PEAK1: variants seen among roughly 807,000 people sequenced by gnomAD.
The protein encoded by PEAK1 is inactive tyrosine-protein kinase PEAK1.
A neutral mutation model predicts 124.7 loss-of-function variants in PEAK1; 54 were observed. The ratio of observed to expected loss-of-function variants is 0.43; its 90% CI spans 0.35 to 0.54. The LOEUF is 0.54. Ranked by LOEUF, PEAK1 falls within the 20% of genes least tolerant of loss-of-function variation. PEAK1 has a pLI of 0.01. For synonymous variants in PEAK1, 719 were observed against 760.0 expected (o/e 0.95, Z 0.89); for missense variants, 2,046 against 2,134.5 (o/e 0.96, Z 0.82).
intron 2 of PEAK1, among the ~76,000 whole-genome samples, chr15:77,321,250 G>A (rs1185951382): frequency 6.6e-6 from 1 of 152,192 alleles, no homozygotes; most frequent in Non-Finnish European, 1.5e-5. Context: ...CTTCCACAAT[G>A]GTTGAACTAG....
intron 2 of PEAK1, among the ~76,000 whole-genome samples, chr15:77,293,444 T>G (rs1597146841): frequency 6.6e-6 from 1 of 152,178 alleles, no homozygotes; most frequent in East Asian, 1.9e-4. Flanking sequence ...TATTTCCCCC[T>G]CTTTGAATAT....
intron 5 of PEAK1, chr15:77,255,246 TATTA>T (rs1028808721): frequency 3.2e-5 from 18 of 557,498 alleles, no homozygotes; most frequent in Middle Eastern, 9.0e-4. Flanking sequence ...ATTTTAAACC[TATTA>T]ATTATTTATT....
intron 1 of PEAK1, among the ~76,000 whole-genome samples, chr15:77,394,864 T>C (rs2070761497): frequency 6.6e-6 from 1 of 152,176 alleles, no homozygotes; most frequent in African/African-American, 2.4e-5. Flanking sequence ...TAATTCAAAA[T>C]AGCTGTTTCA....
At chr15:77,178,703 T>G in intron 7 of PEAK1, 87 bp downstream of exon 7, 1 of 1,298,468 alleles carries the variant, frequency 7.7e-7, no homozygotes, top group South Asian at 1.4e-5. Flanking sequence ...CAGAAATGGT[T>G]CTTATGCAAT....
intron 2 of PEAK1, among the ~76,000 whole-genome samples, chr15:77,323,101 C>G (rs939174885): frequency 2.6e-5 from 4 of 152,126 alleles, no homozygotes; most frequent in Non-Finnish European, 5.9e-5. Flanking sequence ...GCTAAAAACT[C>G]TCAATAAATT....
At chr15:77,401,575 C>G (rs2071380250) in intron 1 of PEAK1, 1 of 979,886 alleles carries the variant, frequency 1.0e-6, no homozygotes, top group African/African-American at 1.8e-5. Flanking sequence ...AAAATTGTAG[C>G]TTATAGATCA....
At chr15:77,382,090 C>G (rs11639308) in intron 1 of PEAK1, among the ~76,000 whole-genome samples, 41,339 of 152,064 alleles carry the variant, frequency 0.27, 6,650 homozygotes, top group Middle Eastern at 0.37. Flanking sequence ...CTCTTTCTCT[C>G]TCACTCTCAC....
intron 5 of PEAK1, chr15:77,278,832 GT>G (rs34583265): frequency 0.24 from 52,786 of 223,772 alleles, 2,235 homozygotes; most frequent in Middle Eastern, 0.29. Context: ...AATTTTGTGG[GT>G]TTTTTTTTTT....
rs551868751 is a variant in PEAK1, at chr15:77,191,640, T to C, written c.-114-9600A>G. Among the ~76,000 whole-genome samples, 4 of 152,310 alleles carry C rather than the reference T, an allele frequency of 2.6e-5. No homozygotes were observed. In the East Asian group the frequency reaches 7.7e-4, roughly 29 times the overall value. ...ATCTTGGACTTGTGTTTTGCATCAA[T>C]TTCAAGAGATGCTGTCAGATTCTAT... On this transcript the variant is annotated intron_variant, in intron 6 of 9. Transcript: ENST00000682557.
intron 8 of PEAK1, chr15:77,156,039 G>T (rs1479233244): frequency 6.6e-6 from 1 of 152,386 alleles, no homozygotes; most frequent in Non-Finnish European, 1.5e-5. Context: ...GTCAGACAGG[G>T]ACATTTAAGT....
intron 1 of PEAK1, among the ~76,000 whole-genome samples, chr15:77,379,783 A>C (rs2069327327): frequency 6.6e-6 from 1 of 152,162 alleles, no homozygotes; most frequent in Non-Finnish European, 1.5e-5. Flanking sequence ...TTACAGCAGG[A>C]CTTGCCTACA....
intron 5 of PEAK1, among the ~76,000 whole-genome samples, chr15:77,279,272 T>C (rs113625831): frequency 2.8e-4 from 43 of 152,288 alleles, no homozygotes; most frequent in African/African-American, 9.6e-4. Context: ...GAGAGACTTC[T>C]TCTTGGATCT....
chr15:77,289,810 G>A (rs1426317383), intron 2 of PEAK1, among the ~76,000 whole-genome samples: 1 of 152,050 alleles, frequency 6.6e-6, no homozygotes, highest in African/African-American at 2.4e-5. Flanking sequence ...CAGCCTGGGC[G>A]ACAGAGCCAG....
chr15:77,231,890 T>G (rs922942818), intron 6 of PEAK1, among the ~76,000 whole-genome samples: 1 of 152,158 alleles, frequency 6.6e-6, no homozygotes, highest in Non-Finnish European at 1.5e-5. Flanking sequence ...TCATACAAAT[T>G]CATTTTCTTA....
intron 7 of PEAK1, among the ~76,000 whole-genome samples, chr15:77,161,279 A>AT (rs2055615047): frequency 6.6e-6 from 1 of 152,212 alleles, no homozygotes; most frequent in Admixed American, 6.5e-5. Flanking sequence ...CTGTTCCTTA[A>AT]TATCACTCAC....
chr15:77,375,568 A>G (rs977054226), intron 1 of PEAK1, among the ~76,000 whole-genome samples: 4 of 152,246 alleles, frequency 2.6e-5, no homozygotes, highest in Admixed American at 6.5e-5. Flanking sequence ...GAAATCAAGG[A>G]TGTAGCCAGT....
At chr15:77,170,442 G>C (rs1043125900) in intron 7 of PEAK1, among the ~76,000 whole-genome samples, 4 of 152,134 alleles carry the variant, frequency 2.6e-5, no homozygotes, top group African/African-American at 9.7e-5. Context: ...AAGAGGATAA[G>C]ATTAAGCCCA....
intron 3 of PEAK1, among the ~76,000 whole-genome samples, chr15:77,285,826 T>G (rs35704799): frequency 0.077 from 11,705 of 152,310 alleles, 561 homozygotes; most frequent in Non-Finnish European, 0.1. Context: ...CATTGATTTT[T>G]TGAAGGGTTT....
chr15:77,106,186 C>T (rs2050748847), downstream of PEAK1: 1 of 152,162 alleles, frequency 6.6e-6, no homozygotes, highest in East Asian at 1.9e-4. Context: ...GGCCCAGTAA[C>T]GAGATGCAGA....
Sources: allele counts gnomAD v4.1 joint callset (sites outside exome capture counted in the v4.1 genomes callset), GRCh38; gene constraint gnomAD v4.1.1; transcripts MANE v1.5; gene names NCBI Gene and HGNC (gene_info 2026-07-23, HGNC 2026-07-21).